SNX8: variants seen among roughly 807,000 people sequenced by gnomAD.
SNX8 encodes the protein sorting nexin 8.
A neutral mutation model predicts 51.6 loss-of-function variants in SNX8; 25 were observed. That is an observed-to-expected ratio of 0.48 (90% CI 0.35 to 0.68). The LOEUF (loss-of-function observed/expected upper bound fraction) is 0.68. SNX8 is among the 30% of genes least tolerant of loss of function. SNX8 has a pLI of 0.00. For synonymous variants in SNX8, 324 were observed against 277.0 expected (o/e 1.17, Z -1.68); for missense variants, 695 against 624.0 (o/e 1.11, Z -1.21).
intron 2 of SNX8, among the ~76,000 whole-genome samples, chr7:2,277,812 A>C (rs1411233299): frequency 1.4e-5 from 1 of 71,034 alleles, no homozygotes; most frequent in East Asian, 1.0e-3. Context: ...ACATCGGGGA[A>C]AAAAAAAAAA....
Position 2,314,267 on chromosome 7 carries a change from C to A in SNX8, c.94+61G>T, listed in dbSNP as rs1796716594. On this transcript the variant is annotated intron_variant, in intron 1 of 10. Coordinates refer to ENST00000222990, the MANE Select transcript of SNX8 (RefSeq NM_013321.4). ...AAGCGCGGCGGCTGAGCCCCGTCCG[C>A]CGGGGGTGGTCGGGCCGCGCGCCCT... 4 of 1,213,150 alleles carry A rather than the reference C, an allele frequency of 3.3e-6. No homozygotes were observed. The East Asian group carries it at 1.3e-4, about 40-fold the overall frequency. The allele number at this position is 1,213,150 out of a possible 1,614,324, so 75.1% of individuals were successfully genotyped here.
At chr7:2,284,396 C>CCT (rs1554264055) in intron 1 of SNX8, among the ~76,000 whole-genome samples, 1 of 88,910 alleles carries the variant, frequency 1.1e-5, no homozygotes, top group African/African-American at 4.4e-5. Context: ...CTTTTATTTC[C>CCT]TTTTTTTTTT....
intron 1 of SNX8, among the ~76,000 whole-genome samples, chr7:2,322,524 A>G (rs1457994142): frequency 2.0e-5 from 3 of 151,720 alleles, no homozygotes; most frequent in Non-Finnish European, 4.4e-5. Context: ...ATGAAACCCC[A>G]TCTCTACTAA....
intron 1 of SNX8, among the ~76,000 whole-genome samples, chr7:2,347,054 G>C (rs1779045399): frequency 1.3e-5 from 2 of 152,072 alleles, no homozygotes; most frequent in African/African-American, 4.8e-5. Flanking sequence ...CTTTGAACAG[G>C]GTGTGTTGCT....
intron 1 of SNX8, among the ~76,000 whole-genome samples, chr7:2,329,030 G>T (rs543616971): frequency 3.3e-5 from 5 of 151,644 alleles, no homozygotes; most frequent in Non-Finnish European, 7.4e-5. Flanking sequence ...AGCTTGCAGT[G>T]AGCCGAGATC....
rs545108746 is a variant in SNX8, at chr7:2,314,322, C to G, written c.94+6G>C. The G allele has an allele frequency of 4.9e-4, 601 of 1,222,046 alleles. 2 individuals are homozygous for G. The highest frequency in any genetic ancestry group is 6.6e-4 in the South Asian group (16 of 24,406). 75.7% of individuals were successfully genotyped at this position (1,222,046 alleles called of 1,614,324 possible). A position where few individuals can be genotyped will look rare whatever the true frequency, so the allele number is the denominator to read the frequency against. ...AGGTGGGGGCTACCGCCGCCCCACG[C>G]CCTACCTGACGCCGGGGGATCCGCC... is the stretch of plus-strand genomic sequence containing the variant. On this transcript the variant is annotated splice_donor_region_variant and intron_variant, in intron 1 of 10. Transcript: ENST00000222990.
intron 1 of SNX8, among the ~76,000 whole-genome samples, chr7:2,323,918 G>A (rs1244518743): frequency 6.6e-6 from 1 of 151,922 alleles, no homozygotes; most frequent in Non-Finnish European, 1.5e-5. Context: ...TCAAGAGTTC[G>A]AGACCAGCCT....
chr7:2,256,799 G>C (rs1402732454), intron 10 of SNX8, 75 bp downstream of exon 10: 4 of 1,501,884 alleles, frequency 2.7e-6, no homozygotes, highest in Non-Finnish European at 3.6e-6. Context: ...CCACCGCGCT[G>C]CCGGGCTTGA....
chr7:2,258,008 C>G (rs1053900092), intron 7 of SNX8, among the ~76,000 whole-genome samples: 1 of 126,660 alleles, frequency 7.9e-6, no homozygotes, highest in Non-Finnish European at 1.6e-5. Flanking sequence ...GCCCAGCAGT[C>G]TTTTTTTTTT....
At chr7:2,350,029 T>C (rs997623907) in intron 1 of SNX8, among the ~76,000 whole-genome samples, 2 of 152,114 alleles carry the variant, frequency 1.3e-5, no homozygotes, top group African/African-American at 4.8e-5. Flanking sequence ...CCTGGATCTC[T>C]ACCACCCGGT....
At chr7:2,300,596 T>G (rs531891679) in intron 1 of SNX8, among the ~76,000 whole-genome samples, 22 of 152,078 alleles carry the variant, frequency 1.4e-4, no homozygotes, top group African/African-American at 5.1e-4. Context: ...CATTTTTTTG[T>G]AGAGAAAAGG....
At chr7:2,324,135 T>C (rs1178130869) in intron 1 of SNX8, among the ~76,000 whole-genome samples, 1 of 151,372 alleles carries the variant, frequency 6.6e-6, no homozygotes, top group Non-Finnish European at 1.5e-5. Flanking sequence ...AAAAAAAGAA[T>C]TTATAAAAAA....
chr7:2,284,342 C>T (rs186034344), intron 1 of SNX8, among the ~76,000 whole-genome samples: 12 of 152,062 alleles, frequency 7.9e-5, no homozygotes, highest in African/African-American at 1.2e-4. Context: ...TTGTCCTGAC[C>T]CCGCCCCCGA....
chr7:2,269,377 G>A (rs976609072), intron 5 of SNX8, among the ~76,000 whole-genome samples, 182 bp downstream of exon 5: 3 of 150,216 alleles, frequency 2.0e-5, no homozygotes, highest in Admixed American at 6.6e-5. Context: ...CAAACACTGC[G>A]GAAGGCCGCA....
At chr7:2,318,408 C>A (rs1796786472), upstream of SNX8, among the ~76,000 whole-genome samples, 1 of 151,734 alleles carries the variant, frequency 6.6e-6, no homozygotes, top group Non-Finnish European at 1.5e-5. Context: ...CCTGTAATCC[C>A]AGCTACTCGG....
intron 1 of SNX8, among the ~76,000 whole-genome samples, chr7:2,351,905 GTTT>G (rs748043966): frequency 3.4e-5 from 3 of 88,324 alleles, no homozygotes; most frequent in East Asian, 4.6e-4. Context: ...GTTGTTGTTG[GTTT>G]TTTTTTTTTT....
chr7:2,308,961 T>G (rs576586389), intron 1 of SNX8, among the ~76,000 whole-genome samples: 1 of 152,106 alleles, frequency 6.6e-6, no homozygotes, highest in Non-Finnish European at 1.5e-5. Flanking sequence ...AGCTAATTAT[T>G]GGATTTTTGT....
chr7:2,278,373 G>GGGC, intron 1 of SNX8, 68 bp from the exon 2 acceptor site: 1 of 1,006,302 alleles, frequency 9.9e-7, no homozygotes, highest in Non-Finnish European at 1.5e-6. Context: ...GCTGGGCACA[G>GGGC]TGGCGCAGCC....
chr7:2,346,487 C>A (rs1328808769), intron 1 of SNX8, among the ~76,000 whole-genome samples: 1 of 150,814 alleles, frequency 6.6e-6, no homozygotes, highest in African/African-American at 2.4e-5. Context: ...GTGGCTCACA[C>A]CTGTAATCCC....
Sources: allele counts gnomAD v4.1 joint callset (sites outside exome capture counted in the v4.1 genomes callset), GRCh38; gene constraint gnomAD v4.1.1; transcripts MANE v1.5; gene names NCBI Gene and HGNC (gene_info 2026-07-23, HGNC 2026-07-21).